The following NIPSNAP3B variants were observed in gnomAD, a reference collection of about 807,000 sequenced individuals.
The protein encoded by NIPSNAP3B is nipsnap homolog 3B, also known as protein NipSnap homolog 3B.
Under a neutral mutation model 31.5 loss-of-function variants are expected in NIPSNAP3B, and 30 were observed. That is an observed-to-expected ratio of 0.95 (90% confidence interval 0.71 to 1.29). NIPSNAP3B has a LOEUF of 1.29. Ranked by LOEUF, NIPSNAP3B falls within the 50% of genes most tolerant of loss-of-function variation. The pLI, the probability that NIPSNAP3B is intolerant of heterozygous loss-of-function variation, is 0.00. For synonymous variants in NIPSNAP3B, 106 were observed against 107.9 expected, an observed-to-expected ratio of 0.98 and a Z score of 0.11; for missense variants, 269 against 300.7, an observed-to-expected ratio of 0.89 and a Z score of 0.78.
the NIPSNAP3B span, chr9:104,784,492 C>T: frequency 5.6e-6 from 9 of 1,612,984 alleles, no homozygotes; most frequent in Non-Finnish European, 7.6e-6. Flanking sequence ...ATAAATACCA[C>T]TCAACTTGCT....
chr9:104,765,595 T>C (rs938936005), intron 1 of NIPSNAP3B, among the ~76,000 whole-genome samples: 1 of 152,222 alleles, frequency 6.6e-6, no homozygotes, highest in East Asian at 1.9e-4. Flanking sequence ...CTTGGTATAA[T>C]TGAGTGCACT....
chr9:104,765,919 A>C (rs558292461), intron 1 of NIPSNAP3B, among the ~76,000 whole-genome samples: 6 of 152,338 alleles, frequency 3.9e-5, no homozygotes, highest in African/African-American at 1.2e-4. Flanking sequence ...GTACTTAATA[A>C]ATTTTTTTCA....
the NIPSNAP3B span, among the ~76,000 whole-genome samples, chr9:104,789,610 A>G: frequency 6.6e-6 from 1 of 152,218 alleles, no homozygotes; most frequent in Admixed American, 6.5e-5. Flanking sequence ...GACGCAGTAT[A>G]AGGTAGAATA....
At chr9:104,786,924 C>T in the NIPSNAP3B span, 2 of 1,614,000 alleles carry the variant, frequency 1.2e-6, no homozygotes, top group East Asian at 4.5e-5. Flanking sequence ...ACTTAGGGCA[C>T]AATTCCACAA....
chr9:104,789,786 A>G, the NIPSNAP3B span, among the ~76,000 whole-genome samples: 2 of 151,630 alleles, frequency 1.3e-5, no homozygotes, highest in South Asian at 2.1e-4. Flanking sequence ...GCCTTGTACT[A>G]TCTCTCCACA....
At chr9:104,770,271 G>A (rs1362440206) in intron 3 of NIPSNAP3B, among the ~76,000 whole-genome samples, 2 of 152,092 alleles carry the variant, frequency 1.3e-5, no homozygotes, top group East Asian at 1.9e-4. Flanking sequence ...AGGTAGAATG[G>A]TTTTTAAGCA....
chr9:104,765,463 CAG>C (rs2118778817), intron 1 of NIPSNAP3B, among the ~76,000 whole-genome samples: 1 of 152,248 alleles, frequency 6.6e-6, no homozygotes, highest in South Asian at 2.1e-4. Flanking sequence ...TAATTTCTGA[CAG>C]GGCATTTGCT....
At chr9:104,786,429 T>C in the NIPSNAP3B span, 2 of 1,555,504 alleles carry the variant, frequency 1.3e-6, no homozygotes, top group Admixed American at 3.3e-5. Flanking sequence ...TTTAGAGAGA[T>C]TCTCTGTAAC....
At chr9:104,786,283 A>C in the NIPSNAP3B span, 1 of 1,602,380 alleles carries the variant, frequency 6.2e-7, no homozygotes, top group Non-Finnish European at 8.5e-7. Flanking sequence ...ATCCCAAAGA[A>C]ATTATCTTTA....
intron 1 of NIPSNAP3B, among the ~76,000 whole-genome samples, chr9:104,765,442 G>A (rs564500888): frequency 1.3e-5 from 2 of 152,284 alleles, no homozygotes; most frequent in East Asian, 3.9e-4. Context: ...CGTACATACA[G>A]ACAGACTGGA....
downstream of NIPSNAP3B, among the ~76,000 whole-genome samples, chr9:104,779,782 A>C (rs1044642853): frequency 2.6e-5 from 4 of 152,198 alleles, no homozygotes; most frequent in Non-Finnish European, 5.9e-5. Flanking sequence ...TAATCCCAGC[A>C]CTTTGGGAGC....
In NIPSNAP3B at chr9:104,776,386, A is replaced by C. The variant is rs978814604; in HGVS notation, c.*3313A>C. On this transcript the variant is annotated 3_prime_UTR_variant, in exon 6 of 6. Transcript: ENST00000374762. ...AGTGGCCCCTATCTGCTAGAGACTG[A>C]ATGTTTTTGTCCCCCCAAAATTCCT... is the stretch of plus-strand genomic sequence containing the variant. Among the ~76,000 whole-genome samples, 1 of 62,552 alleles carries C rather than the reference A, an allele frequency of 1.6e-5. No individual in the cohort carries two copies. Among genetic ancestry groups the C allele is most frequent in the Non-Finnish European group, 3.5e-5 (1 of 28,328 alleles). 41.0% of individuals were successfully genotyped at this position (62,552 alleles called of 152,430 possible).
chr9:104,772,208 G>GT (rs56851362), intron 4 of NIPSNAP3B, among the ~76,000 whole-genome samples: 2,280 of 136,634 alleles, frequency 0.017, 51 homozygotes, highest in African/African-American at 0.047. Flanking sequence ...TTTTTTTTTT[G>GT]TTTTTTTTTT....
At chr9:104,782,738 C>T (rs1828615312), downstream of NIPSNAP3B, 1 of 151,840 alleles carries the variant, frequency 6.6e-6, no homozygotes, top group African/African-American at 2.4e-5. Flanking sequence ...ATGCCATAAA[C>T]ACAAGTTGTG....
At chr9:104,779,168 C>T (rs1242076432), downstream of NIPSNAP3B, among the ~76,000 whole-genome samples, 1 of 152,176 alleles carries the variant, frequency 6.6e-6, no homozygotes, top group Non-Finnish European at 1.5e-5. Flanking sequence ...AAAAGGCCAT[C>T]TCTGACTTCT....
chr9:104,779,704 T>C (rs1828424258), downstream of NIPSNAP3B, among the ~76,000 whole-genome samples: 1 of 152,086 alleles, frequency 6.6e-6, no homozygotes, highest in East Asian at 1.9e-4. Flanking sequence ...CTTTTGGGCT[T>C]TTCTACAGAT....
the NIPSNAP3B span, among the ~76,000 whole-genome samples, chr9:104,787,340 G>T: frequency 6.6e-6 from 1 of 151,974 alleles, no homozygotes; most frequent in African/African-American, 2.4e-5. Context: ...TAAGATTGGG[G>T]TGAAATTCCT....
chr9:104,764,198 A>T lies in NIPSNAP3B; in HGVS notation c.-43A>T. 6.4e-7 allele frequency: 1 copy of T among 1,571,998 alleles called. No homozygotes were observed. Among genetic ancestry groups the T allele is most frequent in the Non-Finnish European group, 8.6e-7 (1 of 1,157,240 alleles). On this transcript the variant is annotated 5_prime_UTR_variant, in exon 1 of 6. Transcript: ENST00000374762. ...CGGGAAGACTTCAGAGAAGTCTCAC[A>T]AAGGACTCGGCTGGCTGCTTTTCTC...
chr9:104,787,061 G>A, the NIPSNAP3B span: 1 of 1,149,636 alleles, frequency 8.7e-7, no homozygotes, highest in Non-Finnish European at 1.3e-6. Flanking sequence ...AAGCATCTTT[G>A]AAACAGCTTA....
Sources: gnomAD v4.1 joint callset for allele counts (sites outside exome capture counted in the v4.1 genomes callset) on GRCh38, gnomAD v4.1.1 for gene constraint, MANE v1.5 for transcripts, NCBI Gene and HGNC (gene_info 2026-07-23, HGNC 2026-07-21) for gene names.